Variants in LACTBL1 observed in about 807,000 individuals in gnomAD.
LACTBL1 encodes beta-lactamase-like protein 1.
In LACTBL1, 29 loss-of-function variants were observed where a neutral mutation model predicts 39.6. The observed-to-expected ratio is 0.73, with a 90% CI of 0.55 to 1.00. The LOEUF is 1.00. LACTBL1 is among the 50% of genes least tolerant of loss of function. The probability of loss-of-function intolerance (pLI) is 0.00; values close to 1 mark genes in which losing one functional copy is unlikely to be tolerated. For missense variants in LACTBL1, 711 were observed against 748.5 expected (o/e 0.95, Z 0.59); for synonymous variants, 361 against 360.7 (o/e 1.00, Z -0.01).
chr1:22,958,319 G>A (rs895342155), intron 4 of LACTBL1, among the ~76,000 whole-genome samples: 8 of 151,748 alleles, frequency 5.3e-5, no homozygotes, highest in Non-Finnish European at 7.4e-5. Flanking sequence ...TACTGGGCTC[G>A]AGTGATCCTC....
At position 22,953,920 on chromosome 1, in the gene LACTBL1, G is replaced by T. The variant is rs1266496818; in HGVS notation, c.764C>A (p.Pro255Gln). The change falls in exon 6 of 6, where the codon CCG (proline) becomes CAG (glutamine). Residue 255 changes from proline to glutamine, a missense_variant. Pro to Gln is a moderately conservative substitution (Grantham distance 76). Transcript: ENST00000426928. ...AAAGCCCGTGTCTGCCATCCCCAGC[G>T]GCTCCAGCACGTTCTCCGAGACCCA... The T allele has an allele frequency of 1.9e-6, 3 of 1,550,352 alleles. No homozygotes were observed. The South Asian group carries it at 3.6e-5, about 18-fold the overall frequency.
chr1:22,957,890 G>T (rs1470244921), intron 4 of LACTBL1, among the ~76,000 whole-genome samples: 1 of 151,844 alleles, frequency 6.6e-6, no homozygotes, highest in African/African-American at 2.4e-5. Flanking sequence ...GAGCTCAGGT[G>T]GTCCGCCCGC....
At chr1:22,961,645 C>G (rs1640823257) in intron 2 of LACTBL1, among the ~76,000 whole-genome samples, 1 of 151,218 alleles carries the variant, frequency 6.6e-6, no homozygotes, top group Admixed American at 6.6e-5. Context: ...ATTATAGGCA[C>G]GAGCCACCGC....
At chr1:22,953,901 C>A in exon 6 of LACTBL1, 1 of 1,550,240 alleles carries the variant, frequency 6.5e-7, no homozygotes, top group Middle Eastern at 1.7e-4. Context: ...GGTCAAAGCC[C>A]GTGTCTGCCA....
the LACTBL1 span, chr1:22,972,796 A>G: frequency 1.1e-6 from 1 of 875,726 alleles, no homozygotes; most frequent in Admixed American, 6.2e-5. Context: ...ACCAGCAAGA[A>G]CAGGGCAGTT....
At chr1:22,965,847 T>A (rs1012993356), upstream of LACTBL1, among the ~76,000 whole-genome samples, 3 of 152,142 alleles carry the variant, frequency 2.0e-5, no homozygotes, top group Non-Finnish European at 2.9e-5. Context: ...AACTTGCAAG[T>A]ATGGCACATA....
upstream of LACTBL1, among the ~76,000 whole-genome samples, chr1:22,967,518 G>A (rs1411804628): frequency 6.6e-6 from 1 of 151,980 alleles, no homozygotes; most frequent in Non-Finnish European, 1.5e-5. Flanking sequence ...CTACATGCCA[G>A]CCTGGATGAC....
Position 22,957,640 on chromosome 1 carries a change from C to CTTTT in LACTBL1, c.553+1041_553+1044dup, listed in dbSNP as rs34603019. Among the ~76,000 whole-genome samples, 4 of 56,640 alleles carry CTTTT rather than the reference C, an allele frequency of 7.1e-5. 1 individual carries two copies. The highest frequency in any genetic ancestry group is 2.3e-4 in the African/African-American group (3 of 13,132). 37.2% of individuals were successfully genotyped at this position (56,640 alleles called of 152,430 possible). A position where few individuals can be genotyped will look rare whatever the true frequency, so the allele number is the denominator to read the frequency against. On this transcript the variant is annotated intron_variant, in intron 4 of 5. Transcript: ENST00000426928. Reference sequence around the variant, plus strand: ...GCACCTTTTAATATTTCTTAATATTCTTTTTTTTTTTTTTTTTTTTTTTTT... The same window carrying CTTTT: ...GCACCTTTTAATATTTCTTAATATTCTTTTTTTTTTTTTTTTTTTTTTTTTTTTT...
upstream of LACTBL1, among the ~76,000 whole-genome samples, chr1:22,967,965 C>A (rs979076809): frequency 1.4e-4 from 21 of 152,144 alleles, no homozygotes; most frequent in African/African-American, 5.1e-4. Flanking sequence ...CTCTGTGTAC[C>A]TTTCATGGAT....
At chr1:22,967,971 T>C (rs926210938), upstream of LACTBL1, among the ~76,000 whole-genome samples, 4 of 152,200 alleles carry the variant, frequency 2.6e-5, no homozygotes, top group Admixed American at 6.5e-5. Context: ...GTACCTTTCA[T>C]GGATCTCAGT....
At chr1:22,953,594 C>A in exon 6 of LACTBL1, 1 of 1,257,460 alleles carries the variant, frequency 8.0e-7, no homozygotes, top group Non-Finnish European at 9.9e-7. Flanking sequence ...TCCAGATCGC[C>A]GTCCTTGCGC....
At chr1:22,953,575 G>T in exon 6 of LACTBL1, 1 of 1,252,284 alleles carries the variant, frequency 8.0e-7, no homozygotes, top group Non-Finnish European at 1.0e-6. Context: ...GAAGGTGGCG[G>T]CGTAGCCGTC....
At chr1:22,954,751 G>C (rs1467623722) in intron 5 of LACTBL1, among the ~76,000 whole-genome samples, 1 of 152,210 alleles carries the variant, frequency 6.6e-6, no homozygotes, top group Non-Finnish European at 1.5e-5. Context: ...TTCCTTAAGG[G>C]AAGTGGGGCC....
exon 6 of LACTBL1, chr1:22,953,372 G>T: frequency 8.1e-7 from 1 of 1,228,568 alleles, no homozygotes; most frequent in East Asian, 3.2e-5. Context: ...TAGAAGGTCA[G>T]GTTGGCGAAG....
At chr1:22,966,553 C>T (rs1358888702), upstream of LACTBL1, among the ~76,000 whole-genome samples, 1 of 152,160 alleles carries the variant, frequency 6.6e-6, no homozygotes, top group East Asian at 1.9e-4. Context: ...TGTACCAATC[C>T]ATTTGACAGT....
In LACTBL1 at chr1:22,965,246, C is replaced by T. The variant is rs116398068; in HGVS notation, c.49+44G>A. On this transcript the variant is annotated intron_variant, in intron 1 of 5. Transcript: ENST00000426928. ...GTGGCAGCTCAAAGCCCAGGAGGACCCAGGGGGCTATGGGGAGGAACTCAA... is the reference window on the plus strand; with the variant it reads ...GTGGCAGCTCAAAGCCCAGGAGGACTCAGGGGGCTATGGGGAGGAACTCAA... 9.5e-4 allele frequency: 1,230 copies of T among 1,299,118 alleles called. 7 individuals are homozygous for T. The African/African-American group carries it at 0.017, about 18-fold the overall frequency. 80.5% of individuals were successfully genotyped at this position (1,299,118 alleles called of 1,614,324 possible). A position where few individuals can be genotyped will look rare whatever the true frequency, so the allele number is the denominator to read the frequency against.
chr1:22,970,055 A>G (rs1352641781), upstream of LACTBL1, among the ~76,000 whole-genome samples: 1 of 152,194 alleles, frequency 6.6e-6, no homozygotes, highest in East Asian at 1.9e-4. Flanking sequence ...CTACTTCTCC[A>G]GGTGTTGAAG....
the LACTBL1 span, among the ~76,000 whole-genome samples, chr1:22,971,777 T>C: frequency 4.6e-5 from 7 of 152,352 alleles, no homozygotes; most frequent in African/African-American, 1.7e-4. Context: ...CCTCACCCTT[T>C]TGAGTCTCAG....
chr1:22,954,545 A>G (rs1034691259), intron 5 of LACTBL1, among the ~76,000 whole-genome samples: 2 of 152,148 alleles, frequency 1.3e-5, no homozygotes, highest in Admixed American at 1.3e-4. Flanking sequence ...AAAATTCACA[A>G]ATTCTCCTAG....
Sources: allele counts gnomAD v4.1 joint callset (sites outside exome capture counted in the v4.1 genomes callset), GRCh38; gene constraint gnomAD v4.1.1; transcripts MANE v1.5; gene names NCBI Gene and HGNC (gene_info 2026-07-23, HGNC 2026-07-21).